The following MTAP variants were observed in gnomAD, a reference collection of about 807,000 sequenced individuals.
The protein encoded by MTAP is S-methyl-5'-thioadenosine phosphorylase.
A neutral mutation model predicts 33.6 loss-of-function variants in MTAP; 33 were observed. That is an observed-to-expected ratio of 0.98 (90% CI 0.74 to 1.31). The LOEUF (loss-of-function observed/expected upper bound fraction) is 1.31. Among genes scored for constraint, MTAP ranks in the 40% most tolerant of loss-of-function variants. The pLI, the probability that MTAP is intolerant of heterozygous loss-of-function variation, is 0.00. For synonymous variants in MTAP, 148 were observed against 125.7 expected, an observed-to-expected ratio of 1.18 and a Z score of -1.19; for missense variants, 367 against 360.0, an observed-to-expected ratio of 1.02 and a Z score of -0.16.
chr9:21,909,767 C>T (rs1818539567), intron 1 of MTAP, among the ~76,000 whole-genome samples: 1 of 152,146 alleles, frequency 6.6e-6, no homozygotes, highest in Non-Finnish European at 1.5e-5. Flanking sequence ...ATTCATTTAA[C>T]AGGTGTTAAC....
intron 1 of MTAP, among the ~76,000 whole-genome samples, chr9:21,918,272 C>T (rs1019692006): frequency 7.4e-6 from 1 of 135,598 alleles, no homozygotes; most frequent in Non-Finnish European, 1.5e-5. Context: ...ATGGCGTGAA[C>T]CCGGGAGGCG....
chr9:21,818,578 A>T (rs969109526), intron 4 of MTAP, among the ~76,000 whole-genome samples: 1 of 152,064 alleles, frequency 6.6e-6, no homozygotes, highest in Non-Finnish European at 1.5e-5. Flanking sequence ...TCCGCCTCCC[A>T]AAGCGCAAAG....
At chr9:21,803,291 T>C in intron 1 of MTAP, 1 of 230,540 alleles carries the variant, frequency 4.3e-6, no homozygotes, top group East Asian at 9.0e-5. Flanking sequence ...GTGGGAGAAC[T>C]GCTTACTTGC....
chr9:21,873,375 T>C (rs143365751), intron 1 of MTAP, among the ~76,000 whole-genome samples: 3 of 152,284 alleles, frequency 2.0e-5, no homozygotes, highest in Admixed American at 6.5e-5. Flanking sequence ...AATCCATATA[T>C]TGAAATCTAA....
Position 21,862,018 on chromosome 9 carries a change from A to T in MTAP, c.*4A>T. On this transcript the variant is annotated 3_prime_UTR_variant, in exon 8 of 8. Transcript: ENST00000644715. ...TGTTTTATTACCAAGACATTAAAGTAGCATGGCTGCCCAGGAGAAAAGAAG... is the reference window on the plus strand; with the variant it reads ...TGTTTTATTACCAAGACATTAAAGTTGCATGGCTGCCCAGGAGAAAAGAAG... 6.2e-7 allele frequency: 1 copy of T among 1,612,998 alleles called. No homozygotes were observed. The highest frequency in any genetic ancestry group is 1.3e-5 in the African/African-American group (1 of 75,014).
chr9:21,829,262 T>C (rs1349240721), intron 4 of MTAP, among the ~76,000 whole-genome samples: 4 of 152,192 alleles, frequency 2.6e-5, no homozygotes, highest in African/African-American at 4.8e-5. Context: ...CCGTGGATTA[T>C]AGAATTCCAG....
intron 5 of MTAP, among the ~76,000 whole-genome samples, chr9:21,848,537 C>T (rs1213154075): frequency 7.2e-5 from 11 of 151,970 alleles, no homozygotes. Flanking sequence ...AAAAGGTGGC[C>T]CACTGTGAAC....
chr9:21,923,810 A>T (rs753876524), intron 1 of MTAP, among the ~76,000 whole-genome samples: 1 of 121,466 alleles, frequency 8.2e-6, no homozygotes, highest in East Asian at 2.0e-4. Context: ...AATGGATTAT[A>T]AAAAAAAAAG....
At chr9:21,895,559 G>T (rs981607163) in intron 1 of MTAP, among the ~76,000 whole-genome samples, 1 of 152,196 alleles carries the variant, frequency 6.6e-6, no homozygotes, top group African/African-American at 2.4e-5. Context: ...CCCTTTCCTA[G>T]CAAGGGGAAG....
Position 21,884,944 on chromosome 9 carries a change from C to A in MTAP, c.147+30074C>A, listed in dbSNP as rs141739062. 1.6e-3 allele frequency among the ~76,000 whole-genome samples: 250 copies of A among 152,190 alleles called. 1 individual carries two copies. The highest frequency in any genetic ancestry group is 5.8e-3 in the African/African-American group (239 of 41,536). ...TGTAGAGAAGTAAGGAAACCACTAC[C>A]ATAAAATTCAGGATTTTACTAACCT... On this transcript the variant is annotated intron_variant, in intron 1 of 1. Transcript: ENST00000577563.
Position 21,862,185 on chromosome 9 carries a change from G to T in MTAP, c.*171G>T. 2.2e-6 allele frequency: 3 copies of T among 1,361,334 alleles called. No individual in the cohort carries two copies. The highest frequency in any genetic ancestry group is 4.0e-5 in the South Asian group (2 of 49,468). 84.3% of individuals were successfully genotyped at this position (1,361,334 alleles called of 1,614,324 possible). On this transcript the variant is annotated 3_prime_UTR_variant, in exon 8 of 8. Coordinates refer to ENST00000644715, the MANE Select transcript of MTAP (RefSeq NM_002451.4). ...TTGTGTGTATTAGAGACTCCTGAAT[G>T]ATTTAGACAACTTCAAAATACAGAA...
chr9:21,881,628 T>C (rs1450871201), intron 1 of MTAP, among the ~76,000 whole-genome samples: 4 of 152,050 alleles, frequency 2.6e-5, no homozygotes, highest in African/African-American at 9.7e-5. Context: ...AAACATGCAT[T>C]GCTGCTTGAC....
intron 1 of MTAP, among the ~76,000 whole-genome samples, chr9:21,898,100 T>G (rs554337495): frequency 6.6e-6 from 1 of 152,314 alleles, no homozygotes; most frequent in Admixed American, 6.5e-5. Context: ...CATCTGATCT[T>G]TGACAAACCT....
chr9:21,885,443 T>A (rs1283089558), intron 1 of MTAP, among the ~76,000 whole-genome samples: 1 of 152,132 alleles, frequency 6.6e-6, no homozygotes, highest in Non-Finnish European at 1.5e-5. Context: ...TTTTTTTATT[T>A]CAATAGTTTT....
intron 1 of MTAP, 124 bp from the exon 2 acceptor site, chr9:21,815,309 C>CA (rs1298800597): frequency 4.8e-6 from 3 of 621,034 alleles, no homozygotes; most frequent in Admixed American, 3.7e-5. Flanking sequence ...TTTCAGATTT[C>CA]AAAAAAATAA....
At chr9:21,897,990 G>T (rs1195197298) in intron 1 of MTAP, among the ~76,000 whole-genome samples, 1 of 152,066 alleles carries the variant, frequency 6.6e-6, no homozygotes, top group African/African-American at 2.4e-5. Flanking sequence ...TATACTACAA[G>T]GCTACAGTAA....
downstream of MTAP, among the ~76,000 whole-genome samples, chr9:21,868,757 G>C (rs1825892536): frequency 6.6e-6 from 1 of 152,124 alleles, no homozygotes; most frequent in Non-Finnish European, 1.5e-5. Flanking sequence ...ACCCCCCTCT[G>C]CTGCTCTCTC....
At chr9:21,875,283 G>A (rs957251948) in intron 1 of MTAP, among the ~76,000 whole-genome samples, 3 of 151,956 alleles carry the variant, frequency 2.0e-5, no homozygotes, top group Non-Finnish European at 4.4e-5. Context: ...TTTAATGATC[G>A]CCATTCTAAC....
At chr9:21,837,806 C>G in intron 4 of MTAP, 102 bp from the exon 5 acceptor site, 1 of 859,450 alleles carries the variant, frequency 1.2e-6, no homozygotes, top group Non-Finnish European at 1.9e-6. Flanking sequence ...GGAGTAAAGA[C>G]CCAAATATTG....
Sources: allele counts gnomAD v4.1 joint callset (sites outside exome capture counted in the v4.1 genomes callset), GRCh38; gene constraint gnomAD v4.1.1; transcripts MANE v1.5; gene names NCBI Gene and HGNC (gene_info 2026-07-23, HGNC 2026-07-21).